SPTBN1: variants seen among roughly 807,000 people sequenced by gnomAD.
The protein encoded by SPTBN1 is spectrin beta, non-erythrocytic 1.
A neutral mutation model predicts 266.4 loss-of-function variants in SPTBN1; 32 were observed. That is an observed-to-expected ratio of 0.12 (90% CI 0.09 to 0.16). SPTBN1 has a LOEUF of 0.16. SPTBN1 is among the 10% of genes least tolerant of loss of function. SPTBN1 has a pLI of 1.00. For missense variants in SPTBN1, 2,296 were observed against 3,067.1 expected, an observed-to-expected ratio of 0.75 and a Z score of 5.94; for synonymous variants, 1,336 against 1,162.2, an observed-to-expected ratio of 1.15 and a Z score of -3.04.
At position 54,557,932 on chromosome 2, in the gene SPTBN1, A is replaced by T. The variant is rs987095651; in HGVS notation, c.148+31366A>T. ...GCCGCCGCGTGGTTGGCGCCAGCGC[A>T]CTGGGGCAGTCGCGCGCGCCCAGGT... On this transcript the variant is annotated intron_variant, in intron 2 of 35. Coordinates refer to ENST00000356805, the MANE Select transcript of SPTBN1 (RefSeq NM_003128.3). 6.1e-6 allele frequency: 6 copies of T among 985,180 alleles called. No individual in the cohort carries two copies. The African/African-American group carries it at 1.0e-4, about 17-fold the overall frequency. The allele number at this position is 985,180 out of a possible 1,614,324, so 61.0% of individuals were successfully genotyped here. A position where few individuals can be genotyped will look rare whatever the true frequency, so the allele number is the denominator to read the frequency against.
chr2:54,500,955 C>A (rs1168613447), intron 1 of SPTBN1, among the ~76,000 whole-genome samples: 2 of 152,204 alleles, frequency 1.3e-5, no homozygotes, highest in East Asian at 3.8e-4. Flanking sequence ...TTCCAGTCCT[C>A]TCTTTATAGA....
intron 2 of SPTBN1, among the ~76,000 whole-genome samples, chr2:54,552,559 C>T (rs1438646531): frequency 6.4e-5 from 4 of 62,136 alleles, no homozygotes; most frequent in African/African-American, 3.9e-4. Context: ...CAGATTCAAG[C>T]GATTCTCCTG....
rs935254672 is a variant in SPTBN1 at position 54,618,199 on chromosome 2, G to A, written c.763+6G>A. On this transcript the variant is annotated splice_donor_region_variant and intron_variant, in intron 7 of 35. Coordinates refer to ENST00000356805, the MANE Select transcript of SPTBN1 (RefSeq NM_003128.3). ...TAAACTGTTGGACCCCGAAGGTAGG[G>A]ACTCAAGGGATTACAGGTGGGATTT... 3.1e-6 allele frequency: 5 copies of A among 1,611,772 alleles called. No homozygotes were observed. The African/African-American group carries it at 4.0e-5, about 13-fold the overall frequency.
At chr2:54,507,719 T>C (rs960936365) in intron 1 of SPTBN1, among the ~76,000 whole-genome samples, 2 of 152,156 alleles carry the variant, frequency 1.3e-5, no homozygotes, top group South Asian at 4.2e-4. Context: ...GCTCTATCTT[T>C]GAGTTTTTTT....
chr2:54,661,258 CAG>C (rs961445144), intron 32 of SPTBN1: 27 of 985,746 alleles, frequency 2.7e-5, no homozygotes, highest in African/African-American at 7.0e-5. Context: ...AAGCTGGTGA[CAG>C]AGATGGTTTC....
rs1339761611 is a variant in SPTBN1, at chr2:54,558,367, G to C, written c.148+31801G>C. 9 of 998,134 alleles carry C rather than the reference G, an allele frequency of 9.0e-6. No homozygotes were observed. Among genetic ancestry groups the C allele is most frequent in the African/African-American group, 5.2e-5 (3 of 57,606 alleles). 61.8% of individuals were successfully genotyped at this position (998,134 alleles called of 1,614,324 possible). A position where few individuals can be genotyped will look rare whatever the true frequency, so the allele number is the denominator to read the frequency against. On this transcript the variant is annotated intron_variant, in intron 2 of 35. Transcript: ENST00000356805. The surrounding 1 kb of genome is among the most constrained non-coding windows in gnomAD (Gnocchi z 4.6). Reference sequence around the variant, plus strand: ...GTGGCTCCTGATAAAATTACAAACCGGCGGCCGCCGCGGGCAGCTGGGAGG... The same window carrying C: ...GTGGCTCCTGATAAAATTACAAACCCGCGGCCGCCGCGGGCAGCTGGGAGG...
chr2:54,668,414 T>C lies in SPTBN1; in HGVS notation c.6940T>C (p.Ser2314Pro), dbSNP rs748740459. The change falls in exon 36 of 36, where the codon TCT becomes CCT. Residue 2314 changes from serine (S) to proline (P), a missense_variant. By Grantham distance (74) the Ser-to-Pro change is moderately conservative. This residue lies in a region of SPTBN1 where 347 missense variants were observed against 368.5 expected (regional missense o/e 0.94). Transcript: ENST00000356805. The stretch of plus-strand genomic sequence containing the variant: ...CATCTCCTCTGATAAACACGAGGTG[T>C]CTGCCAGCACCCAGAGCACGCCAGC... ...SAISSDKHEV[S>P]ASTQSTPASS... 1.9e-6 allele frequency: 3 copies of C among 1,614,140 alleles called. No individual in the cohort carries two copies. The highest frequency in any genetic ancestry group is 2.5e-6 in the Non-Finnish European group (3 of 1,180,026).
chr2:54,620,190 C>T (rs1047388247), intron 7 of SPTBN1, among the ~76,000 whole-genome samples: 3 of 152,212 alleles, frequency 2.0e-5, no homozygotes, highest in Non-Finnish European at 4.4e-5. Flanking sequence ...CCCGGACAGG[C>T]TTCTGCCCTT....
At chr2:54,532,788 AC>A (rs1184197191) in intron 2 of SPTBN1, among the ~76,000 whole-genome samples, 1 of 152,236 alleles carries the variant, frequency 6.6e-6, no homozygotes, top group Non-Finnish European at 1.5e-5. Flanking sequence ...GAAAACAGTT[AC>A]ACAATTTTTT....
intron 1 of SPTBN1, among the ~76,000 whole-genome samples, chr2:54,481,305 T>G (rs2103934936): frequency 6.6e-6 from 1 of 152,222 alleles, no homozygotes; most frequent in South Asian, 2.1e-4. Context: ...TGCCCCAGCT[T>G]TGGAACTCTA....
Position 54,558,759 on chromosome 2 carries a change from G to C in SPTBN1, c.148+32193G>C, listed in dbSNP as rs547224395. 1.4e-5 allele frequency: 23 copies of C among 1,609,344 alleles called. No homozygotes were observed. The South Asian group carries it at 1.9e-4, about 13-fold the overall frequency. On this transcript the variant is annotated intron_variant, in intron 2 of 35. Coordinates refer to ENST00000356805, the MANE Select transcript of SPTBN1 (RefSeq NM_003128.3). This position sits in a 1 kb window ranked among gnomAD's most constrained non-coding sequence, Gnocchi z 4.6. Reference sequence around the variant, plus strand: ...CGAGATTTCCAGGGCGCAGTCCTCCGGGGCGTTACGCCGGGCATAATGGAA... The same window carrying C: ...CGAGATTTCCAGGGCGCAGTCCTCCCGGGCGTTACGCCGGGCATAATGGAA...
chr2:54,611,231 C>T (rs1387564426), intron 3 of SPTBN1, among the ~76,000 whole-genome samples: 1 of 152,100 alleles, frequency 6.6e-6, no homozygotes, highest in East Asian at 1.9e-4. Context: ...TAGGCTAGGC[C>T]ATTCATCTGA....
intron 2 of SPTBN1, among the ~76,000 whole-genome samples, chr2:54,574,154 T>A (rs1442186001): frequency 1.3e-5 from 2 of 152,156 alleles, no homozygotes; most frequent in African/African-American, 4.8e-5. Context: ...GACACTTATG[T>A]ACCAGACTGT....
intron 1 of SPTBN1, among the ~76,000 whole-genome samples, chr2:54,496,963 G>A (rs1307006308): frequency 2.6e-5 from 4 of 152,202 alleles, no homozygotes; most frequent in Non-Finnish European, 5.9e-5. Flanking sequence ...ATAAATTTTG[G>A]TACATCCATA....
Position 54,649,115 on chromosome 2 carries a change from C to G in SPTBN1, c.5127C>G (p.Asp1709Glu). The change falls in exon 25 of 36, where the codon GAC (aspartate) becomes GAG (glutamate). Residue 1709 changes from aspartate to glutamate, a missense_variant. By Grantham distance (45) the Asp-to-Glu change is conservative. Coordinates refer to ENST00000356805, the MANE Select transcript of SPTBN1 (RefSeq NM_003128.3). This position sits in a 1 kb window ranked among gnomAD's most constrained non-coding sequence, Gnocchi z 6.7. The stretch of plus-strand genomic sequence containing the variant: ...TCCAGCTCAACCGGGAGGTGGACGA[C>G]CTGGAGCAGTGGATCGCTGAGAGGG... ...RLFQLNREVDDLEQWIAEREV... is the reference protein window; with the variant it reads ...RLFQLNREVDELEQWIAEREV... 6.2e-7 allele frequency: 1 copy of G among 1,613,910 alleles called. No individual in the cohort carries two copies. Among genetic ancestry groups the G allele is most frequent in the Non-Finnish European group, 8.5e-7 (1 of 1,179,854 alleles).
intron 2 of SPTBN1, among the ~76,000 whole-genome samples, chr2:54,536,055 A>G (rs1671581206): frequency 6.6e-6 from 1 of 152,158 alleles, no homozygotes; most frequent in Non-Finnish European, 1.5e-5. Flanking sequence ...AGACTTAGGA[A>G]GTTTTTCATT....
At chr2:54,545,113 T>A (rs1672164566) in intron 2 of SPTBN1, among the ~76,000 whole-genome samples, 1 of 152,244 alleles carries the variant, frequency 6.6e-6, no homozygotes, top group African/African-American at 2.4e-5. Flanking sequence ...AACTCATCCT[T>A]TTTTATGGCT....
At position 54,554,719 on chromosome 2, in the gene SPTBN1, C is replaced by T. The variant is rs1450484258; in HGVS notation, c.148+28153C>T. The stretch of plus-strand genomic sequence containing the variant: ...TGAGTCCCTGACTCTGGACTTGAGT[C>T]TTTCCACCAGCCCACAGCACTTTTG... On this transcript the variant is annotated intron_variant, in intron 2 of 35. Transcript: ENST00000356805. The surrounding 1 kb of genome is among the most constrained non-coding windows in gnomAD (Gnocchi z 4.5). Among the ~76,000 whole-genome samples the T allele has an allele frequency of 2.0e-5, 3 of 152,160 alleles. No individual in the cohort carries two copies. Among genetic ancestry groups the T allele is most frequent in the Admixed American group, 6.5e-5 (1 of 15,280 alleles).
chr2:54,616,497 G>A (rs1464883111), intron 5 of SPTBN1, among the ~76,000 whole-genome samples, 199 bp downstream of exon 5: 1 of 152,188 alleles, frequency 6.6e-6, no homozygotes, highest in Admixed American at 6.5e-5. Flanking sequence ...GACCTGTCAT[G>A]TCTTCATAAT....
Sources: gnomAD v4.1 joint callset for allele counts (sites outside exome capture counted in the v4.1 genomes callset) on GRCh38, gnomAD v4.1.1 for gene constraint, gnomAD v4.1.1 regional missense constraint, Gnocchi (gnomAD v3.1) non-coding constraint, MANE v1.5 for transcripts, NCBI Gene and HGNC (gene_info 2026-07-23, HGNC 2026-07-21) for gene names.